SPTLC2: variants seen among roughly 807,000 people sequenced by gnomAD.
SPTLC2 encodes the protein serine palmitoyltransferase long chain base subunit 2, also known as serine palmitoyltransferase 2.
Under a neutral mutation model 62.0 loss-of-function variants are expected in SPTLC2, and 21 were observed. The observed-to-expected ratio is 0.34, with a 90% CI of 0.24 to 0.49. The LOEUF (loss-of-function observed/expected upper bound fraction) is 0.49, where lower values mean the gene tolerates loss of function less well. Ranked by LOEUF, SPTLC2 falls within the 20% of genes least tolerant of loss-of-function variation. The pLI is 0.99. For synonymous variants in SPTLC2, 261 were observed against 261.8 expected, an observed-to-expected ratio of 1.00 and a Z score of 0.03; for missense variants, 511 against 713.0, an observed-to-expected ratio of 0.72 and a Z score of 3.23.
chr14:77,608,796 G>A (rs1012122988), intron 1 of SPTLC2, among the ~76,000 whole-genome samples: 1 of 152,060 alleles, frequency 6.6e-6, no homozygotes, highest in Non-Finnish European at 1.5e-5. Flanking sequence ...GGTCACGCCT[G>A]TAATTCCAGC....
intron 1 of SPTLC2, among the ~76,000 whole-genome samples, chr14:77,600,962 G>A (rs1236503230): frequency 6.6e-6 from 1 of 151,854 alleles, no homozygotes; most frequent in Non-Finnish European, 1.5e-5. Context: ...GCAATAATGG[G>A]AAAGTATAAT....
At chr14:77,578,706 C>A (rs975144022) in intron 3 of SPTLC2, 5 of 384,080 alleles carry the variant, frequency 1.3e-5, no homozygotes, top group Non-Finnish European at 2.5e-5. Context: ...GGTGACAGAG[C>A]GAAACTCCAT....
At chr14:77,607,323 C>T (rs1215284902) in intron 1 of SPTLC2, among the ~76,000 whole-genome samples, 1 of 152,160 alleles carries the variant, frequency 6.6e-6, no homozygotes, top group Non-Finnish European at 1.5e-5. Context: ...AAAGTTGGAA[C>T]TAGAGTCCAA....
intron 3 of SPTLC2, among the ~76,000 whole-genome samples, chr14:77,578,418 T>A (rs149658701): frequency 4.6e-5 from 7 of 151,898 alleles, no homozygotes; most frequent in Admixed American, 6.6e-5. Flanking sequence ...GAGTTATTTT[T>A]AAAAATAAAG....
At chr14:77,552,351 T>C (rs1812355246) in intron 8 of SPTLC2, 129 bp from the exon 9 acceptor site, 8 of 1,139,240 alleles carry the variant, frequency 7.0e-6, no homozygotes, top group Non-Finnish European at 1.0e-5. Context: ...TAATCTGAGA[T>C]ACAAGGTCAA....
At position 77,506,133 on chromosome 14, in the gene SPTLC2, G is replaced by A. The variant is rs779997930; in HGVS notation, c.*6151C>T. 3 of 152,126 alleles carry A rather than the reference G, an allele frequency of 2.0e-5. No homozygotes were observed. The highest frequency in any genetic ancestry group is 4.4e-5 in the Non-Finnish European group (3 of 68,026). 9.4% of individuals were successfully genotyped at this position (152,126 alleles called of 1,614,324 possible). A position where few individuals can be genotyped will look rare whatever the true frequency, so the allele number is the denominator to read the frequency against. ...CACCTACCCCAACCCAATACTCATCGCTTCACAGTCATCCAGTAAAGTACA... is the reference window on the plus strand; with the variant it reads ...CACCTACCCCAACCCAATACTCATCACTTCACAGTCATCCAGTAAAGTACA... On this transcript the variant is annotated 3_prime_UTR_variant, in exon 12 of 12. Coordinates refer to ENST00000216484, the MANE Select transcript of SPTLC2 (RefSeq NM_004863.4).
At chr14:77,589,653 T>G (rs8004422) in intron 2 of SPTLC2, among the ~76,000 whole-genome samples, 146,058 of 152,064 alleles carry the variant, frequency 0.96, 70,433 homozygotes, top group Middle Eastern at 1. Context: ...AGCCAGGTGT[T>G]ATGGCAGATG....
In SPTLC2 at chr14:77,527,253, T is replaced by C. The variant is rs535285064; in HGVS notation, c.1304-5672A>G. ...CTGGGATTACAGGCAAGTGCCACCA[T>C]GCCTGGCTAATTTTTTGTATTTTTA... On this transcript the variant is annotated intron_variant, in intron 9 of 11. Transcript: ENST00000216484. 9.9e-5 allele frequency among the ~76,000 whole-genome samples: 15 copies of C among 152,182 alleles called. No individual in the cohort carries two copies. In the East Asian group the frequency reaches 1.9e-3, roughly 20 times the overall value.
intron 1 of SPTLC2, among the ~76,000 whole-genome samples, chr14:77,608,559 A>G (rs1234651885): frequency 2.0e-5 from 3 of 152,340 alleles, no homozygotes; most frequent in African/African-American, 2.4e-5. Flanking sequence ...TCTGAGCACT[A>G]GAAATACACT....
intron 6 of SPTLC2, among the ~76,000 whole-genome samples, chr14:77,559,165 C>CA (rs913289996): frequency 1.8e-4 from 28 of 151,652 alleles, no homozygotes; most frequent in Admixed American, 1.6e-3. Flanking sequence ...ACTAAAAATA[C>CA]AAAAAAAATT....
At chr14:77,519,708 T>C (rs2079376735) in intron 10 of SPTLC2, among the ~76,000 whole-genome samples, 1 of 152,150 alleles carries the variant, frequency 6.6e-6, no homozygotes, top group African/African-American at 2.4e-5. Context: ...ATACAGATCC[T>C]GCACATTTGG....
intron 1 of SPTLC2, among the ~76,000 whole-genome samples, chr14:77,609,756 T>A (rs2079925123): frequency 6.6e-6 from 1 of 151,778 alleles, no homozygotes; most frequent in African/African-American, 2.4e-5. Context: ...CCACTCATGG[T>A]GGCATATGCC....
In SPTLC2 at chr14:77,506,109, A is replaced by C. The variant is rs961486994; in HGVS notation, c.*6175T>G. 6.6e-6 allele frequency: 1 copy of C among 152,182 alleles called. No homozygotes were observed. 9.4% of individuals were successfully genotyped at this position (152,182 alleles called of 1,614,324 possible). On this transcript the variant is annotated 3_prime_UTR_variant, in exon 12 of 12. Transcript: ENST00000216484. ...TAACATGCACTCTCAAAATCAACACACCTACCCCAACCCAATACTCATCGC... is the reference window on the plus strand; with the variant it reads ...TAACATGCACTCTCAAAATCAACACCCCTACCCCAACCCAATACTCATCGC...
At chr14:77,565,919 G>A (rs917578851) in intron 5 of SPTLC2, among the ~76,000 whole-genome samples, 9 of 152,010 alleles carry the variant, frequency 5.9e-5, no homozygotes, top group African/African-American at 2.2e-4. Flanking sequence ...CTTTTTGTAA[G>A]TCTAAATTAA....
chr14:77,540,040 T>C lies in SPTLC2; in HGVS notation c.1303+12056A>G, dbSNP rs1319656838. On this transcript the variant is annotated intron_variant, in intron 9 of 11. Transcript: ENST00000216484. ...GAAGAAACCCTGTCTCTACTAAAAATACAAAATGAGCCAGGTGTGGTGACA... is the reference window on the plus strand; with the variant it reads ...GAAGAAACCCTGTCTCTACTAAAAACACAAAATGAGCCAGGTGTGGTGACA... Among the ~76,000 whole-genome samples, 7 of 151,784 alleles carry C rather than the reference T, an allele frequency of 4.6e-5. No individual in the cohort carries two copies. In the East Asian group the frequency reaches 1.4e-3, roughly 30 times the overall value.
intron 3 of SPTLC2, 142 bp from the exon 4 acceptor site, chr14:77,577,057 A>C (rs927862115): frequency 2.3e-6 from 2 of 857,058 alleles, no homozygotes; most frequent in Admixed American, 2.4e-5. Flanking sequence ...CCAATTATGG[A>C]AATAGAAGTT....
rs1184869958 is a variant in SPTLC2, at chr14:77,607,000, A to AATTG, written c.132+9444_132+9447dup. ...CAAGACCCATCTCAAAAAAAAAAAAAATTGTACTCTATATTTCATGAAACA... is the reference window on the plus strand; with the variant it reads ...CAAGACCCATCTCAAAAAAAAAAAAAATTGATTGTACTCTATATTTCATGAAACA... On this transcript the variant is annotated intron_variant, in intron 1 of 11. Coordinates refer to ENST00000216484, the MANE Select transcript of SPTLC2 (RefSeq NM_004863.4). 3.3e-5 allele frequency among the ~76,000 whole-genome samples: 5 copies of AATTG among 152,256 alleles called. No individual in the cohort carries two copies. The South Asian group carries it at 6.2e-4, about 19-fold the overall frequency.
At chr14:77,526,297 C>T (rs1418988191) in intron 9 of SPTLC2, among the ~76,000 whole-genome samples, 2 of 151,832 alleles carry the variant, frequency 1.3e-5, no homozygotes, top group East Asian at 3.9e-4. Flanking sequence ...AGAGTTTCAG[C>T]AAGTATCTGG....
chr14:77,583,238 T>TAAATAAATAAAA (rs1397782318), intron 2 of SPTLC2, among the ~76,000 whole-genome samples: 55 of 140,334 alleles, frequency 3.9e-4, no homozygotes, highest in African/African-American at 1.0e-3. Context: ...AATAAATAAA[T>TAAATAAATAAAA]AAAAATAATA....
Sources: allele counts gnomAD v4.1 joint callset (sites outside exome capture counted in the v4.1 genomes callset), GRCh38; gene constraint gnomAD v4.1.1; transcripts MANE v1.5; gene names NCBI Gene and HGNC (gene_info 2026-07-23, HGNC 2026-07-21).